Variants in RBBP8 observed in about 807,000 individuals in gnomAD.
The protein encoded by RBBP8 is RB binding protein 8, endonuclease.
Under a neutral mutation model 108.3 loss-of-function variants are expected in RBBP8, and 88 were observed. That is an observed-to-expected ratio of 0.81 (90% CI 0.68 to 0.97). RBBP8 has a LOEUF of 0.97. RBBP8 is among the 50% of genes least tolerant of loss of function. RBBP8 has a pLI of 0.00. For missense variants in RBBP8, 1,023 were observed against 1,049.0 expected, an observed-to-expected ratio of 0.98 and a Z score of 0.34; for synonymous variants, 332 against 348.2, an observed-to-expected ratio of 0.95 and a Z score of 0.52.
In RBBP8 at chr18:23,020,818, G is replaced by T. The variant is rs73966428; in HGVS notation, c.2455-1311G>T. ...TGTTTCTCAAATATGTTTTAATTCAGTGGCAGTGTTTTTTCCAATAAGCCC... is the reference window on the plus strand; with the variant it reads ...TGTTTCTCAAATATGTTTTAATTCATTGGCAGTGTTTTTTCCAATAAGCCC... On this transcript the variant is annotated intron_variant, in intron 17 of 18. Coordinates refer to ENST00000327155, the MANE Select transcript of RBBP8 (RefSeq NM_002894.3). 3.6e-3 allele frequency among the ~76,000 whole-genome samples: 554 copies of T among 152,210 alleles called. 2 individuals carry two copies. The highest frequency in any genetic ancestry group is 0.013 in the African/African-American group (525 of 41,532).
rs1364452283 is a variant in RBBP8 at position 22,991,024 on chromosome 18, A to C, written c.895A>C (p.Thr299Pro). The change falls in exon 10 of 19, where the codon ACA becomes CCA. Residue 299 changes from threonine (T) to proline (P), a missense_variant. Coordinates refer to ENST00000327155, the MANE Select transcript of RBBP8 (RefSeq NM_002894.3). ...NHKKQPFEES[T>P]RNTEDSLRFS... ...CAAGAAACAGCCTTTTGAGGAATCT[A>C]CAAGAAATACTGAAGATAGTTTAAG... 1 of 1,612,528 alleles carries C rather than the reference A, an allele frequency of 6.2e-7. No individual in the cohort carries two copies. Among genetic ancestry groups the C allele is most frequent in the East Asian group, 2.2e-5 (1 of 44,862 alleles).
At chr18:22,985,549 T>C (rs1263368656) in intron 8 of RBBP8, among the ~76,000 whole-genome samples, 2 of 151,946 alleles carry the variant, frequency 1.3e-5, no homozygotes, top group African/African-American at 4.8e-5. Context: ...TGAGGAACAT[T>C]AAGGAACCCT....
intron 1 of RBBP8, among the ~76,000 whole-genome samples, chr18:22,936,011 T>TA (rs1910543741): frequency 6.6e-6 from 1 of 152,188 alleles, no homozygotes; most frequent in South Asian, 2.1e-4. Context: ...TATATATAGA[T>TA]ATGTGTATAT....
intron 8 of RBBP8, among the ~76,000 whole-genome samples, chr18:22,988,701 A>G (rs914822740): frequency 1.3e-5 from 2 of 152,172 alleles, no homozygotes; most frequent in South Asian, 4.1e-4. Flanking sequence ...CTTTTCATCT[A>G]CTGCTTAGCA....
rs1676882814 is a variant in RBBP8 at position 23,022,252 on chromosome 18, C to CA, written c.2579dup (p.Thr861AspfsTer9). Reference sequence around the variant, plus strand: ...TTGGGAAGTTGGTTTTCCTTCCACTCAGACTTGTATGGAAAGAGGTGAGAG... The same window carrying CA: ...TTGGGAAGTTGGTTTTCCTTCCACTCAAGACTTGTATGGAAAGAGGTGAGAG... On this transcript the variant is annotated frameshift_variant, in exon 18 of 19. Coordinates refer to ENST00000327155, the MANE Select transcript of RBBP8 (RefSeq NM_002894.3). LOFTEE classifies it high-confidence loss of function. 2 of 1,611,190 alleles carry CA rather than the reference C, an allele frequency of 1.2e-6. No individual in the cohort carries two copies. The highest frequency in any genetic ancestry group is 2.2e-5 in the East Asian group (1 of 44,874).
chr18:22,951,878 G>T (rs1357436924), intron 4 of RBBP8, among the ~76,000 whole-genome samples: 1 of 152,212 alleles, frequency 6.6e-6, no homozygotes, highest in Non-Finnish European at 1.5e-5. Context: ...TACATGGGGT[G>T]AGGTCTAGAA....
rs778597433 is a variant in RBBP8, at chr18:22,997,740, A to T, written c.2143+6A>T. The T allele has an allele frequency of 1.4e-5, 21 of 1,545,322 alleles. No homozygotes were observed. The highest frequency in any genetic ancestry group is 2.3e-5 in the South Asian group (2 of 86,638). The stretch of plus-strand genomic sequence containing the variant: ...GAAGGGAGAAAAAAGTTCAAGTAAG[A>T]TCTGTTTTTGTTTTGTTATTTTTTT... On this transcript the variant is annotated splice_donor_region_variant and intron_variant, in intron 14 of 18. Transcript: ENST00000327155.
At chr18:22,927,944 C>T (rs554284553) in intron 3 of RBBP8, among the ~76,000 whole-genome samples, 1 of 150,006 alleles carries the variant, frequency 6.7e-6, no homozygotes, top group Admixed American at 6.6e-5. Context: ...CGTGGTGGCT[C>T]ATGCCTGTAA....
At chr18:23,019,058 T>G (rs1264089420) in intron 17 of RBBP8, among the ~76,000 whole-genome samples, 1 of 152,180 alleles carries the variant, frequency 6.6e-6, no homozygotes, top group Non-Finnish European at 1.5e-5. Flanking sequence ...TAAATTGGGA[T>G]CACTATTTTG....
At position 22,966,592 on chromosome 18, in the gene RBBP8, A is replaced by AAAG. The variant is rs149534866; in HGVS notation, c.249-2214_249-2213insAAG. ...CATCTCATTAAAAAAAAAAAAAAAAAGTCTATGTTCTTTTATTTTGCTTTG... is the reference window on the plus strand; with the variant it reads ...CATCTCATTAAAAAAAAAAAAAAAAAAAGGTCTATGTTCTTTTATTTTGCTTTG... On this transcript the variant is annotated intron_variant, in intron 4 of 18. Transcript: ENST00000327155. Among the ~76,000 whole-genome samples the AAAG allele has an allele frequency of 5.0e-4, 72 of 143,530 alleles. 3 individuals are homozygous for AAAG. Among genetic ancestry groups the AAAG allele is most frequent in the East Asian group, 1.4e-3 (7 of 4,900 alleles). The allele number at this position is 143,530 out of a possible 152,430, so 94.2% of individuals were successfully genotyped here.
intron 2 of RBBP8, among the ~76,000 whole-genome samples, chr18:22,944,073 T>A (rs1353690348): frequency 6.6e-6 from 1 of 152,236 alleles, no homozygotes; most frequent in Non-Finnish European, 1.5e-5. Flanking sequence ...AGGAGCTACA[T>A]TGTTGTATAG....
At chr18:22,929,295 A>G (rs1474750524), upstream of RBBP8, 6 of 152,210 alleles carry the variant, frequency 3.9e-5, no homozygotes, top group African/African-American at 7.2e-5. Flanking sequence ...ATTTTCTGAT[A>G]GATTTTAAAG....
chr18:22,967,796 G>A (rs1319805038), intron 4 of RBBP8, among the ~76,000 whole-genome samples: 7 of 149,792 alleles, frequency 4.7e-5, no homozygotes, highest in Non-Finnish European at 5.9e-5. Flanking sequence ...ACAGGTGCCC[G>A]CCACCACGCA....
upstream of RBBP8, among the ~76,000 whole-genome samples, chr18:22,930,770 T>A (rs1321167424): frequency 6.6e-6 from 1 of 152,116 alleles, no homozygotes; most frequent in Non-Finnish European, 1.5e-5. Flanking sequence ...CTTTTTTATT[T>A]TTTATTTTTT....
At chr18:22,979,817 G>A (rs376974989) in intron 6 of RBBP8, among the ~76,000 whole-genome samples, 18 of 152,344 alleles carry the variant, frequency 1.2e-4, no homozygotes, top group African/African-American at 4.3e-4. Context: ...ATCTGGGAAT[G>A]TCTCCTATTC....
intron 6 of RBBP8, among the ~76,000 whole-genome samples, chr18:22,980,957 A>G (rs889914618): frequency 4.2e-5 from 4 of 94,534 alleles, no homozygotes; most frequent in African/African-American, 1.5e-4. Flanking sequence ...GGTGTGAGCC[A>G]CTTATGTCTT....
In RBBP8 at chr18:22,991,049, G is replaced by A. The variant is rs775671801; in HGVS notation, c.920G>A (p.Arg307Lys). 6.3e-7 allele frequency: 1 copy of A among 1,594,170 alleles called. No homozygotes were observed. The highest frequency in any genetic ancestry group is 8.6e-7 in the Non-Finnish European group (1 of 1,163,110). Residue 307 changes from arginine (R) to lysine (K), a missense_variant and splice_region_variant, in exon 10 of 19, where the codon AGA (arginine) becomes AAA (lysine). Coordinates refer to ENST00000327155, the MANE Select transcript of RBBP8 (RefSeq NM_002894.3). ...ACAAGAAATACTGAAGATAGTTTAAGGTAATTAAGGGCACGTTGGTGAAAA... is the reference window on the plus strand; with the variant it reads ...ACAAGAAATACTGAAGATAGTTTAAAGTAATTAAGGGCACGTTGGTGAAAA... The part of the protein sequence containing the change: ...ESTRNTEDSL[R>K]FSDSTSKTPP...
At chr18:22,955,472 C>T (rs1212337231) in intron 4 of RBBP8, among the ~76,000 whole-genome samples, 3 of 152,070 alleles carry the variant, frequency 2.0e-5, no homozygotes, top group Admixed American at 6.6e-5. Flanking sequence ...TTTCTATTAA[C>T]GCTACAGGAT....
chr18:23,002,626 AT>A (rs1429066114), intron 15 of RBBP8, among the ~76,000 whole-genome samples: 4 of 140,824 alleles, frequency 2.8e-5, no homozygotes, highest in African/African-American at 1.2e-4. Flanking sequence ...GAAAATTGTA[AT>A]TTTTGTTAAA....
Sources: allele counts gnomAD v4.1 joint callset (sites outside exome capture counted in the v4.1 genomes callset), GRCh38; gene constraint gnomAD v4.1.1; transcripts MANE v1.5; gene names NCBI Gene and HGNC (gene_info 2026-07-23, HGNC 2026-07-21).